RGMA: variants seen among roughly 807,000 people sequenced by gnomAD.
The protein encoded by RGMA is repulsive guidance molecule A.
Under a neutral mutation model 23.2 loss-of-function variants are expected in RGMA, and 10 were observed. The observed-to-expected ratio is 0.43, with a 90% CI of 0.27 to 0.73. The LOEUF (loss-of-function observed/expected upper bound fraction) is 0.73, where lower values mean the gene tolerates loss of function less well. Among genes scored for constraint, RGMA ranks in the 30% least tolerant of loss-of-function variants. The pLI, the probability that RGMA is intolerant of heterozygous loss-of-function variation, is 0.20. For synonymous variants in RGMA, 308 were observed against 279.3 expected (o/e 1.10, Z -1.03); for missense variants, 547 against 630.5 (o/e 0.87, Z 1.42).
intron 2 of RGMA, among the ~76,000 whole-genome samples, chr15:93,053,549 T>A (rs973126837): frequency 6.6e-6 from 1 of 152,258 alleles, no homozygotes; most frequent in Non-Finnish European, 1.5e-5. Context: ...AAAGGTCAGT[T>A]TGTGTCTCTG....
Position 93,072,967 on chromosome 15 carries a change from C to T in RGMA, c.79G>A (p.Ala27Thr). 2 of 1,611,486 alleles carry T rather than the reference C, an allele frequency of 1.2e-6. No homozygotes were observed. The highest frequency in any genetic ancestry group is 2.2e-5 in the East Asian group (1 of 44,768). Residue 27 changes from alanine to threonine, a missense_variant, in exon 2 of 4, where the codon GCC becomes ACC. Physicochemically the swap from Ala to Thr is moderately conservative, Grantham distance 58. Around this residue, in one of 3 missense-constraint regions of RGMA, gnomAD observed 214 missense variants for 234.7 expected, o/e 0.91. Coordinates refer to ENST00000329082, the MANE Select transcript of RGMA (RefSeq NM_020211.3). ...GCGAGGGTCGGCCAGAATCCCAGGG[C>T]TGAACGTCCTGCCCCTCTCCCCATA... ...MGMGRGAGRS[A>T]LGFWPTLAFL...
At chr15:93,078,163 C>T (rs954662041) in intron 1 of RGMA, among the ~76,000 whole-genome samples, 24 of 152,216 alleles carry the variant, frequency 1.6e-4, no homozygotes, top group African/African-American at 5.5e-4. Flanking sequence ...GTACCTCTTC[C>T]AGCTATGGAA....
At chr15:93,065,902 T>G (rs1895129202) in intron 2 of RGMA, 2 of 718,768 alleles carry the variant, frequency 2.8e-6, no homozygotes, top group Non-Finnish European at 5.0e-6. Flanking sequence ...TGTAGGCTGT[T>G]GCTGGCTGGG....
chr15:93,073,696 C>A, intron 1 of RGMA: 1 of 1,537,238 alleles, frequency 6.5e-7, no homozygotes. Flanking sequence ...GGATGGCTCT[C>A]TGCATCTCAG....
intron 1 of RGMA, among the ~76,000 whole-genome samples, chr15:93,083,626 G>T (rs752121932): frequency 4.1e-4 from 62 of 152,344 alleles, no homozygotes; most frequent in Admixed American, 1.2e-3. Context: ...ACCACGCCCA[G>T]CCAAGAGAAG....
Position 93,038,613 on chromosome 15 carries a change from G to C in RGMA, c.*6385C>G, listed in dbSNP as rs1358908405. 1 of 133,690 alleles carries C rather than the reference G, an allele frequency of 7.5e-6. No homozygotes were observed. The highest frequency in any genetic ancestry group is 1.7e-5 in the Non-Finnish European group (1 of 59,902). 8.3% of individuals were successfully genotyped at this position (133,690 alleles called of 1,614,324 possible). On this transcript the variant is annotated 3_prime_UTR_variant, in exon 4 of 4. Coordinates refer to ENST00000329082, the MANE Select transcript of RGMA (RefSeq NM_020211.3). ...GACGGTGTCTTGCTCTGTCGCCCAG[G>C]CTGGAGGCTGGAGTGCAGTGGTGCG...
intron 2 of RGMA, chr15:93,065,629 T>C: frequency 2.3e-6 from 2 of 874,376 alleles, no homozygotes; most frequent in South Asian, 2.6e-5. Flanking sequence ...TGATAGGGGC[T>C]GAGGTCTCAG....
chr15:93,072,339 A>G (rs1256722298), intron 2 of RGMA, among the ~76,000 whole-genome samples: 3 of 152,198 alleles, frequency 2.0e-5, no homozygotes, highest in African/African-American at 7.2e-5. Flanking sequence ...CACAATAAAA[A>G]CAAACAGGGG....
At chr15:93,048,092 C>A (rs1457158556) in intron 3 of RGMA, among the ~76,000 whole-genome samples, 1 of 152,096 alleles carries the variant, frequency 6.6e-6, no homozygotes, top group Non-Finnish European at 1.5e-5. Context: ...AGGCCTGAGG[C>A]CTGGAAAGGG....
At chr15:93,088,675 G>A (rs993483272) in intron 1 of RGMA, 13 of 878,536 alleles carry the variant, frequency 1.5e-5, no homozygotes, top group Non-Finnish European at 1.9e-5. Context: ...CCAACCACGC[G>A]CGCTGGCGGC....
chr15:93,078,914 C>T (rs903603247), intron 1 of RGMA, among the ~76,000 whole-genome samples: 2 of 152,216 alleles, frequency 1.3e-5, no homozygotes, highest in African/African-American at 2.4e-5. Context: ...ACAGACTGGA[C>T]AAAGTCCATT....
chr15:93,052,928 A>C (rs1214630008), intron 2 of RGMA, among the ~76,000 whole-genome samples: 1 of 152,252 alleles, frequency 6.6e-6, no homozygotes, highest in Non-Finnish European at 1.5e-5. Context: ...ATGTGTCCCC[A>C]GTCCTGGCAT....
At chr15:93,057,433 C>T (rs1241697223) in intron 2 of RGMA, among the ~76,000 whole-genome samples, 1 of 152,170 alleles carries the variant, frequency 6.6e-6, no homozygotes, top group Non-Finnish European at 1.5e-5. Context: ...CCTCTCCCTC[C>T]TTCTGCCACG....
At chr15:93,088,584 T>A (rs2141853121) in intron 1 of RGMA, 6 of 1,061,814 alleles carry the variant, frequency 5.7e-6, no homozygotes, top group South Asian at 3.7e-5. Flanking sequence ...GGTGGCCGGC[T>A]CCGTCCGGGG....
At chr15:93,086,290 GAACT>G (rs1567197727) in intron 1 of RGMA, among the ~76,000 whole-genome samples, 2 of 152,168 alleles carry the variant, frequency 1.3e-5, no homozygotes, top group African/African-American at 4.8e-5. Context: ...TCGTTTCACA[GAACT>G]AACAGATTCC....
intron 1 of RGMA, among the ~76,000 whole-genome samples, chr15:93,085,604 G>A (rs1425020286): frequency 1.3e-5 from 2 of 152,194 alleles, no homozygotes; most frequent in African/African-American, 4.8e-5. Flanking sequence ...TAATCATTTC[G>A]TAAGTTGGGT....
chr15:93,048,042 G>A (rs2054854818), intron 3 of RGMA, among the ~76,000 whole-genome samples: 2 of 152,148 alleles, frequency 1.3e-5, no homozygotes, highest in South Asian at 2.1e-4. Context: ...TGTTTGGGGC[G>A]GGCTGGCCCA....
At chr15:93,068,491 C>T (rs766612211) in intron 2 of RGMA, among the ~76,000 whole-genome samples, 2 of 152,180 alleles carry the variant, frequency 1.3e-5, no homozygotes, top group Admixed American at 6.5e-5. Context: ...ATCCTCTGAG[C>T]GCTGGAGTGA....
At chr15:93,067,470 A>G (rs1390496428) in intron 2 of RGMA, among the ~76,000 whole-genome samples, 7 of 152,192 alleles carry the variant, frequency 4.6e-5, no homozygotes, top group Non-Finnish European at 8.8e-5. Flanking sequence ...GTGCTTTACA[A>G]GAGGACAAAA....
Sources: gnomAD v4.1 joint callset for allele counts (sites outside exome capture counted in the v4.1 genomes callset) on GRCh38, gnomAD v4.1.1 for gene constraint, gnomAD v4.1.1 regional missense constraint, MANE v1.5 for transcripts, NCBI Gene and HGNC (gene_info 2026-07-23, HGNC 2026-07-21) for gene names.